MAP7D1: variants seen among roughly 807,000 people sequenced by gnomAD.
MAP7D1 encodes the protein MAP7 domain-containing protein 1.
A neutral mutation model predicts 97.5 loss-of-function variants in MAP7D1; 30 were observed. The ratio of observed to expected loss-of-function variants is 0.31; its 90% CI spans 0.23 to 0.42. The LOEUF is 0.42. Among genes scored for constraint, MAP7D1 ranks in the 10% least tolerant of loss-of-function variants. MAP7D1 has a pLI of 1.00. For synonymous variants in MAP7D1, 536 were observed against 477.1 expected (o/e 1.12, Z -1.61); for missense variants, 1,184 against 1,179.5 (o/e 1.00, Z -0.06).
Position 36,180,664 on chromosome 1 carries a change from C to T in MAP7D1, c.*406C>T, listed in dbSNP as rs1644704546. The T allele has an allele frequency of 4.0e-6, 1 of 252,052 alleles. No individual in the cohort carries two copies. Among genetic ancestry groups the T allele is most frequent in the Non-Finnish European group, 7.8e-6 (1 of 128,956 alleles). 15.6% of individuals were successfully genotyped at this position (252,052 alleles called of 1,614,324 possible). A position where few individuals can be genotyped will look rare whatever the true frequency, so the allele number is the denominator to read the frequency against. ...GGAGGCAGACCCTCCCCCCAAAGCC[C>T]CCTGGGGAGATCTTCCTCTCTCTAT... On this transcript the variant is annotated 3_prime_UTR_variant, in exon 17 of 17. Coordinates refer to ENST00000474796, the MANE Select transcript of MAP7D1 (RefSeq NM_001388490.1).
Position 36,176,760 on chromosome 1 carries a change from C to G in MAP7D1, c.1297C>G (p.Arg433Gly). 6.2e-7 allele frequency: 1 copy of G among 1,603,366 alleles called. No individual in the cohort carries two copies. Among genetic ancestry groups the G allele is most frequent in the Non-Finnish European group, 8.5e-7 (1 of 1,175,818 alleles). ...CGAGAAGGAGAAGAGTGCCCTAGCC[C>G]GGGAGCGCAGCCTCAAGAAGCGCCA... ...ENEKEKSALA[R>G]ERSLKKRQSL... The change falls in exon 8 of 17, where the codon CGG (arginine) becomes GGG (glycine). Residue 433 changes from arginine to glycine, a missense_variant. Coordinates refer to ENST00000474796, the MANE Select transcript of MAP7D1 (RefSeq NM_001388490.1). The surrounding 1 kb of genome is among the most constrained non-coding windows in gnomAD (Gnocchi z 6.1).
chr1:36,158,975 C>G (rs1227529437), intron 1 of MAP7D1, among the ~76,000 whole-genome samples: 1 of 152,172 alleles, frequency 6.6e-6, no homozygotes, highest in Non-Finnish European at 1.5e-5. Flanking sequence ...TAGATGAAAA[C>G]AGAAAACACT....
At chr1:36,164,649 T>C (rs1303506048) in intron 1 of MAP7D1, among the ~76,000 whole-genome samples, 1 of 151,482 alleles carries the variant, frequency 6.6e-6, no homozygotes, top group Non-Finnish European at 1.5e-5. Context: ...ATCCAAGAAG[T>C]AGGGGGAGGG....
In MAP7D1 at chr1:36,176,388, C is replaced by G. The variant is rs767849679; in HGVS notation, c.1040C>G (p.Pro347Arg). The change falls in exon 7 of 17, where the codon CCG becomes CGG. Residue 347 changes from proline (P) to arginine (R), a missense_variant. Physicochemically the swap from Pro to Arg is moderately radical, Grantham distance 103. Coordinates refer to ENST00000474796, the MANE Select transcript of MAP7D1 (RefSeq NM_001388490.1). This position sits in a 1 kb window ranked among gnomAD's most constrained non-coding sequence, Gnocchi z 6.1. ...GCAGGGGCCAGCCTGGCGCGCGGGC[C>G]GCAACCCGACCGCACTCATCCCTCT... ...GRAGASLARG[P>R]QPDRTHPSAA... is the part of the protein sequence containing the mutation. The G allele has an allele frequency of 6.6e-7, 1 of 1,526,376 alleles. No individual in the cohort carries two copies. The highest frequency in any genetic ancestry group is 8.7e-7 in the Non-Finnish European group (1 of 1,142,960). The allele number at this position is 1,526,376 out of a possible 1,614,324, so 94.6% of individuals were successfully genotyped here. A position where few individuals can be genotyped will look rare whatever the true frequency, so the allele number is the denominator to read the frequency against.
At chr1:36,163,222 T>G (rs1447595913) in intron 1 of MAP7D1, among the ~76,000 whole-genome samples, 1 of 152,208 alleles carries the variant, frequency 6.6e-6, no homozygotes, top group Non-Finnish European at 1.5e-5. Flanking sequence ...CAGGACTTTT[T>G]GACCCCACAA....
intron 1 of MAP7D1, among the ~76,000 whole-genome samples, chr1:36,160,325 G>A (rs916974935): frequency 2.0e-5 from 3 of 152,254 alleles, no homozygotes; most frequent in Non-Finnish European, 4.4e-5. Flanking sequence ...CTGGGAGGGT[G>A]TAGGGAACAT....
At chr1:36,174,316 A>G (rs570429362) in intron 5 of MAP7D1, among the ~76,000 whole-genome samples, 6 of 152,324 alleles carry the variant, frequency 3.9e-5, no homozygotes, top group Non-Finnish European at 8.8e-5. Context: ...GCTTGTGTGC[A>G]TCTGGGTCTG....
chr1:36,167,021 A>G (rs1317694963), intron 1 of MAP7D1, among the ~76,000 whole-genome samples: 1 of 152,178 alleles, frequency 6.6e-6, no homozygotes, highest in East Asian at 1.9e-4. Flanking sequence ...AGGGGTGTCA[A>G]GCAGCTGGGA....
rs778019165 is a variant in MAP7D1 at position 36,178,954 on chromosome 1, G to T, written c.2059G>T (p.Ala687Ser). The T allele has an allele frequency of 1.8e-5, 28 of 1,558,818 alleles. No homozygotes were observed. The highest frequency in any genetic ancestry group is 1.9e-5 in the Non-Finnish European group (22 of 1,151,560). ...GGCCGAAGCTCGGTCGCGGGAAGAGGCGGAGCGGCAGCGTCTGGAGCGGGA... is the reference window on the plus strand; with the variant it reads ...GGCCGAAGCTCGGTCGCGGGAAGAGTCGGAGCGGCAGCGTCTGGAGCGGGA... ...EEAEARSREE[A>S]ERQRLEREKH... is the part of the protein sequence containing the mutation. Residue 687 changes from alanine (A) to serine (S), a missense_variant, in exon 12 of 17, where the codon GCG becomes TCG. Coordinates refer to ENST00000474796, the MANE Select transcript of MAP7D1 (RefSeq NM_001388490.1).
rs201973306 is a variant in MAP7D1, at chr1:36,180,278, G to A, written c.*20G>A. ...CTTTAAGAGGGTTTGCCTTGGATCCGGGCACAGTTGTGAGGGCTCCTCTGC... is the reference window on the plus strand; with the variant it reads ...CTTTAAGAGGGTTTGCCTTGGATCCAGGCACAGTTGTGAGGGCTCCTCTGC... On this transcript the variant is annotated 3_prime_UTR_variant, in exon 17 of 17. Coordinates refer to ENST00000474796, the MANE Select transcript of MAP7D1 (RefSeq NM_001388490.1). 7 of 1,614,152 alleles carry A rather than the reference G, an allele frequency of 4.3e-6. No homozygotes were observed. Among genetic ancestry groups the A allele is most frequent in the South Asian group, 3.3e-5 (3 of 91,090 alleles).
intron 6 of MAP7D1, among the ~76,000 whole-genome samples, 193 bp downstream of exon 6, chr1:36,175,201 T>C (rs1644601776): frequency 6.6e-6 from 1 of 151,940 alleles, no homozygotes; most frequent in Non-Finnish European, 1.5e-5. Context: ...AGGACAGAGG[T>C]TGCCCTGTAG....
intron 4 of MAP7D1, 42 bp from the exon 5 acceptor site, chr1:36,173,322 G>A (rs368069561): frequency 1.3e-6 from 2 of 1,488,718 alleles, no homozygotes; most frequent in African/African-American, 2.8e-5. Flanking sequence ...TTCGATGAAT[G>A]TTCTGAGTCC....
chr1:36,170,900 A>G, intron 1 of MAP7D1, 71 bp from the exon 2 acceptor site: 1 of 680,098 alleles, frequency 1.5e-6, no homozygotes, highest in Non-Finnish European at 2.7e-6. Context: ...AACAAGGGAG[A>G]GGGCCACATA....
intron 1 of MAP7D1, among the ~76,000 whole-genome samples, chr1:36,165,349 C>T (rs749951652): frequency 1.3e-5 from 2 of 152,142 alleles, no homozygotes; most frequent in Admixed American, 6.5e-5. Context: ...TCTCAAGCTC[C>T]TGGCCTCAAG....
In MAP7D1 at chr1:36,174,920, G is replaced by A. The variant is rs200195166; in HGVS notation, c.762G>A (p.Ser254=). The A allele has an allele frequency of 1.7e-5, 27 of 1,613,396 alleles. No individual in the cohort carries two copies. In the East Asian group the frequency reaches 3.6e-4, roughly 21 times the overall value. ...HKTSGSRCSV[S]AVNLPKHVDS... Reference sequence around the variant, plus strand: ...CAGGTGGGAGCAGGTGCTCCGTGTCGGCAGTTAACCTGCCCAAACACGTGG... The same window carrying A: ...CAGGTGGGAGCAGGTGCTCCGTGTCAGCAGTTAACCTGCCCAAACACGTGG... Residue 254 remains serine (S), a synonymous_variant, in exon 6 of 17, where the codon TCG becomes TCA. Coordinates refer to ENST00000474796, the MANE Select transcript of MAP7D1 (RefSeq NM_001388490.1).
In MAP7D1 at chr1:36,176,452, C is replaced by T. The variant is rs1357439323; in HGVS notation, c.1104C>T (p.Ser368=). The change falls in exon 7 of 17, where the codon AGC becomes AGT. Residue 368 remains serine (S), a synonymous_variant. Coordinates refer to ENST00000474796, the MANE Select transcript of MAP7D1 (RefSeq NM_001388490.1). The surrounding 1 kb of genome is among the most constrained non-coding windows in gnomAD (Gnocchi z 6.1). ...TGTGCCCGCGCTCGGCCTCCGCCAGCCCCCTGACGCCGTGCAGCGTCACCC... is the reference window on the plus strand; with the variant it reads ...TGTGCCCGCGCTCGGCCTCCGCCAGTCCCCTGACGCCGTGCAGCGTCACCC... ...VPVCPRSASA[S]PLTPCSVTRS... 17 of 1,507,506 alleles carry T rather than the reference C, an allele frequency of 1.1e-5. No homozygotes were observed. Among genetic ancestry groups the T allele is most frequent in the Admixed American group, 6.1e-5 (3 of 49,076 alleles). 93.4% of individuals were successfully genotyped at this position (1,507,506 alleles called of 1,614,324 possible).
intron 1 of MAP7D1, among the ~76,000 whole-genome samples, chr1:36,165,460 T>G (rs1570135072): frequency 6.6e-6 from 1 of 150,946 alleles, no homozygotes; most frequent in Non-Finnish European, 1.5e-5. Context: ...TTTTTTTTCT[T>G]TTTCTTTTTT....
Position 36,173,467 on chromosome 1 carries a change from G to A in MAP7D1, c.728G>A (p.Gly243Glu), listed in dbSNP as rs1250585135. The A allele has an allele frequency of 3.1e-6, 5 of 1,609,976 alleles. No individual in the cohort carries two copies. The highest frequency in any genetic ancestry group is 2.2e-5 in the East Asian group (1 of 44,712). ...GGGGCCCTGCACCACAGCTCTCCAG[G>A]ACATAAGACCAGTGAGTAGGCTGGA... ...WAGALHHSSP[G>E]HKTSGSRCSV... Residue 243 changes from glycine to glutamate, a missense_variant, in exon 5 of 17, where the codon GGA becomes GAA. Gly to Glu is a moderately conservative substitution (Grantham distance 98, BLOSUM62 -2). Transcript: ENST00000474796.
intron 2 of MAP7D1, 89 bp from the exon 3 acceptor site, chr1:36,171,424 A>G (rs1644541553): frequency 3.8e-6 from 6 of 1,560,212 alleles, no homozygotes; most frequent in Admixed American, 1.8e-5. Context: ...TAAAGAAAGG[A>G]TGGGGTGAGG....
Sources: gnomAD v4.1 joint callset for allele counts (sites outside exome capture counted in the v4.1 genomes callset) on GRCh38, gnomAD v4.1.1 for gene constraint, Gnocchi (gnomAD v3.1) non-coding constraint, MANE v1.5 for transcripts, NCBI Gene and HGNC (gene_info 2026-07-23, HGNC 2026-07-21) for gene names.